The following MBD2 variants were observed in gnomAD, a reference collection of about 807,000 sequenced individuals.
MBD2 encodes the protein methyl-CpG-binding domain protein 2.
In MBD2, 9 loss-of-function variants were observed where a neutral mutation model predicts 39.3. The observed-to-expected ratio is 0.23, with a 90% CI of 0.14 to 0.40. The LOEUF (loss-of-function observed/expected upper bound fraction) is 0.40. Ranked by LOEUF, MBD2 falls within the 10% of genes least tolerant of loss-of-function variation. The probability of loss-of-function intolerance (pLI) is 1.00; values close to 1 mark genes in which losing one functional copy is unlikely to be tolerated. For synonymous variants in MBD2, 233 were observed against 211.1 expected, an observed-to-expected ratio of 1.10 and a Z score of -0.90; for missense variants, 458 against 532.6, an observed-to-expected ratio of 0.86 and a Z score of 1.38.
chr18:54,161,217 T>A (rs907139257), intron 5 of MBD2, among the ~76,000 whole-genome samples: 4 of 152,130 alleles, frequency 2.6e-5, no homozygotes, highest in Non-Finnish European at 5.9e-5. Context: ...ATGTACTGCT[T>A]CCCACAAAAA....
At chr18:54,155,512 T>C (rs929832100) in intron 6 of MBD2, among the ~76,000 whole-genome samples, 1 of 152,236 alleles carries the variant, frequency 6.6e-6, no homozygotes, top group African/African-American at 2.4e-5. Flanking sequence ...TTTATTTTGA[T>C]GATAACCTTT....
At chr18:54,207,853 C>T (rs1410460657) in intron 1 of MBD2, among the ~76,000 whole-genome samples, 2 of 151,776 alleles carry the variant, frequency 1.3e-5, no homozygotes, top group African/African-American at 4.8e-5. Context: ...CTGGCTAACA[C>T]GGTGAAACCC....
intron 3 of MBD2, among the ~76,000 whole-genome samples, chr18:54,175,366 C>T (rs947386095): frequency 2.0e-5 from 3 of 152,236 alleles, no homozygotes; most frequent in African/African-American, 7.2e-5. Context: ...CCTCTATGAA[C>T]ATCGTCCTTT....
intron 3 of MBD2, among the ~76,000 whole-genome samples, chr18:54,183,406 C>A (rs1032049093): frequency 3.3e-5 from 5 of 151,938 alleles, no homozygotes; most frequent in Non-Finnish European, 2.9e-5. Flanking sequence ...GAAACCTCAA[C>A]ATTTTAAAAG....
chr18:54,220,853 C>G (rs535388520), intron 1 of MBD2, among the ~76,000 whole-genome samples: 1 of 152,334 alleles, frequency 6.6e-6, no homozygotes, highest in African/African-American at 2.4e-5. Flanking sequence ...TATCATATTA[C>G]GCTACATACA....
chr18:54,167,499 G>A (rs1017473071), intron 3 of MBD2, among the ~76,000 whole-genome samples: 1 of 152,134 alleles, frequency 6.6e-6, no homozygotes, highest in Non-Finnish European at 1.5e-5. Context: ...TTATATACTG[G>A]GCACAAGATT....
chr18:54,180,903 C>CTTTTTTTTTTTTTTTTTTTTTTT (rs1189903798), intron 3 of MBD2, among the ~76,000 whole-genome samples: 1 of 49,876 alleles, frequency 2.0e-5, no homozygotes, highest in African/African-American at 1.2e-4. Context: ...TTTTCTTTTT[C>CTTTTTTTTTTTTTTTTTTTTTTT]TTTTTTTTTT....
chr18:54,180,365 G>A (rs190876746), intron 3 of MBD2, among the ~76,000 whole-genome samples: 1 of 152,132 alleles, frequency 6.6e-6, no homozygotes, highest in Non-Finnish European at 1.5e-5. Context: ...ACCTAACATA[G>A]AGTTATTAAG....
At chr18:54,192,546 G>A (rs2086328373) in intron 2 of MBD2, among the ~76,000 whole-genome samples, 1 of 152,078 alleles carries the variant, frequency 6.6e-6, no homozygotes, top group Non-Finnish European at 1.5e-5. Flanking sequence ...TCTTAATAAA[G>A]AATGATATAC....
At chr18:54,210,866 A>ATTTTTTT (rs74180457) in intron 1 of MBD2, among the ~76,000 whole-genome samples, 15 of 99,346 alleles carry the variant, frequency 1.5e-4, no homozygotes, top group East Asian at 3.0e-4. Context: ...TCAACTTTCT[A>ATTTTTTT]TTTTTTTTTT....
chr18:54,175,616 C>A lies in MBD2; in HGVS notation c.841-9450G>T, dbSNP rs146170182. Among the ~76,000 whole-genome samples, 38 of 152,284 alleles carry A rather than the reference C, an allele frequency of 2.5e-4. 1 individual carries two copies. The South Asian group carries it at 5.8e-3, about 23-fold the overall frequency. On this transcript the variant is annotated intron_variant, in intron 3 of 6. Transcript: ENST00000256429. Reference sequence around the variant, plus strand: ...AACATGTCCTTATTCACACTGCTTCCCCCTCAAGCCATCTTTATCTTCCCC... The same window carrying A: ...AACATGTCCTTATTCACACTGCTTCACCCTCAAGCCATCTTTATCTTCCCC...
At chr18:54,197,384 C>T (rs1033007779) in intron 2 of MBD2, among the ~76,000 whole-genome samples, 3 of 152,234 alleles carry the variant, frequency 2.0e-5, no homozygotes, top group Non-Finnish European at 2.9e-5. Flanking sequence ...CTCCTCCACT[C>T]CCTAAGCTCC....
chr18:54,170,487 G>A (rs1298272584), intron 3 of MBD2, among the ~76,000 whole-genome samples: 1 of 152,110 alleles, frequency 6.6e-6, no homozygotes, highest in Non-Finnish European at 1.5e-5. Flanking sequence ...GGCTGATAAT[G>A]TTGATTATTA....
At chr18:54,188,797 A>G (rs1425848570) in intron 3 of MBD2, 77 bp downstream of exon 3, 9 of 1,459,954 alleles carry the variant, frequency 6.2e-6, no homozygotes, top group Non-Finnish European at 8.4e-6. Context: ...TTTAACCAGA[A>G]TTTATTTGAA....
rs530057530 is a variant in MBD2 at position 54,172,984 on chromosome 18, T to C, written c.841-6818A>G. Reference sequence around the variant, plus strand: ...CGTTTCACCTGTGGCTTGTAGCACATTGCTGATCATACAATAGCACTTAAT... The same window carrying C: ...CGTTTCACCTGTGGCTTGTAGCACACTGCTGATCATACAATAGCACTTAAT... On this transcript the variant is annotated intron_variant, in intron 3 of 6. Coordinates refer to ENST00000256429, the MANE Select transcript of MBD2 (RefSeq NM_003927.5). Among the ~76,000 whole-genome samples the C allele has an allele frequency of 1.4e-4, 21 of 152,344 alleles. 1 individual carries two copies. In the South Asian group the frequency reaches 4.3e-3, roughly 32 times the overall value.
intron 2 of MBD2, among the ~76,000 whole-genome samples, chr18:54,195,890 C>T (rs992692793): frequency 6.6e-6 from 1 of 152,056 alleles, no homozygotes; most frequent in African/African-American, 2.4e-5. Context: ...TCCCCTGGTT[C>T]AAACAAAGGT....
chr18:54,218,831 G>A (rs1336512148), intron 1 of MBD2, among the ~76,000 whole-genome samples: 5 of 152,034 alleles, frequency 3.3e-5, no homozygotes, highest in Admixed American at 1.3e-4. Flanking sequence ...GCGTGGTGGT[G>A]TGCACCTGTA....
chr18:54,169,031 C>A (rs1031042894), intron 3 of MBD2, among the ~76,000 whole-genome samples: 7 of 152,102 alleles, frequency 4.6e-5, no homozygotes, highest in African/African-American at 1.7e-4. Flanking sequence ...GTCTTTCCCA[C>A]TCTGTGTGAT....
In MBD2 at chr18:54,164,518, AT is replaced by A. The variant is rs545903129; in HGVS notation, c.1109+4del. The A allele has an allele frequency of 1.3e-3, 2,072 of 1,605,748 alleles. 31 individuals are homozygous for A. Among genetic ancestry groups the A allele is most frequent in the Non-Finnish European group, 2.2e-4 (261 of 1,172,762 alleles). ...AGTTTATGAAGTCATGTTAAACTGC[AT>A]TACCTGATGTCTTCATCTGTGACAA... On this transcript the variant is annotated splice_donor_region_variant and intron_variant, in intron 5 of 6. Transcript: ENST00000256429.
Sources: gnomAD v4.1 joint callset for allele counts (sites outside exome capture counted in the v4.1 genomes callset) on GRCh38, gnomAD v4.1.1 for gene constraint, MANE v1.5 for transcripts, NCBI Gene and HGNC (gene_info 2026-07-23, HGNC 2026-07-21) for gene names.